The following TMEM14C variants were observed in gnomAD, a reference collection of about 807,000 sequenced individuals.
TMEM14C encodes transmembrane protein 14C.
In TMEM14C, 13 loss-of-function variants were observed where a neutral mutation model predicts 14.8. The observed-to-expected ratio is 0.88, with a 90% CI of 0.57 to 1.40. TMEM14C has a LOEUF of 1.40. Ranked by LOEUF, TMEM14C falls within the 40% of genes most tolerant of loss-of-function variation. The pLI, the probability that TMEM14C is intolerant of heterozygous loss-of-function variation, is 0.00. For missense variants in TMEM14C, 142 were observed against 138.8 expected (o/e 1.02, Z -0.12); for synonymous variants, 57 against 51.3 (o/e 1.11, Z -0.48).
intron 1 of TMEM14C, among the ~76,000 whole-genome samples, chr6:10,723,507 C>G (rs1770753132): frequency 6.6e-6 from 1 of 152,012 alleles, no homozygotes; most frequent in Admixed American, 6.6e-5. Flanking sequence ...TCTTTAAAAG[C>G]CTCCCTTACT....
At chr6:10,724,774 C>A (rs1770806359) in intron 2 of TMEM14C, 141 bp downstream of exon 2, 4 of 1,331,330 alleles carry the variant, frequency 3.0e-6, no homozygotes, top group South Asian at 2.5e-5. Flanking sequence ...GGGCCAGAAA[C>A]TTGGGTTTGA....
In TMEM14C at chr6:10,728,660, G is replaced by A. The variant is rs1484007042; in HGVS notation, c.220G>A (p.Gly74Ser). Residue 74 changes from glycine (G) to serine (S), a missense_variant, in exon 5 of 6, where the codon GGC becomes AGC. Physicochemically the swap from Gly to Ser is moderately conservative, Grantham distance 56. Transcript: ENST00000229563. ...ATCAGCTACATCTGGTACCTTGGCT[G>A]GCATTATGGGAATGAGGTTCTACCA... ...VFLATSGTLA[G>S]IMGMRFYHSG... 6.2e-7 allele frequency: 1 copy of A among 1,614,154 alleles called. No individual in the cohort carries two copies. Among genetic ancestry groups the A allele is most frequent in the Admixed American group, 1.7e-5 (1 of 60,022 alleles).
At chr6:10,724,092 G>C (rs1770778166) in intron 1 of TMEM14C, among the ~76,000 whole-genome samples, 1 of 152,176 alleles carries the variant, frequency 6.6e-6, no homozygotes. Context: ...CTGTGAGTTG[G>C]ACGCAGAAGT....
chr6:10,726,004 C>T lies in TMEM14C; in HGVS notation c.195C>T (p.Phe65=). Residue 65 remains phenylalanine (F), a synonymous_variant, in exon 4 of 6, where the codon TTC becomes TTT. Coordinates refer to ENST00000229563, the MANE Select transcript of TMEM14C (RefSeq NM_016462.4). ...LSQDPRNVWV[F]LATSGTLAGI... is the part of the protein sequence containing the mutation. ...AGGATCCAAGGAACGTTTGGGTTTT[C>T]CTAGGTATGTCTGCTTTGGCGTCTC... The T allele has an allele frequency of 1.9e-6, 3 of 1,613,990 alleles. No homozygotes were observed. The highest frequency in any genetic ancestry group is 1.7e-6 in the Non-Finnish European group (2 of 1,180,004).
At chr6:10,726,813 G>T in intron 4 of TMEM14C, among the ~76,000 whole-genome samples, 1 of 152,358 alleles carries the variant, frequency 6.6e-6, no homozygotes, top group East Asian at 1.9e-4. Flanking sequence ...GTACATTTCT[G>T]TGGGGCTCCA....
rs139257849 is a variant in TMEM14C, at chr6:10,725,043, G to A, written c.97+6G>A. 3.4e-3 allele frequency: 5,510 copies of A among 1,614,162 alleles called. 52 individuals are homozygous for A. The highest frequency in any genetic ancestry group is 0.03 in the East Asian group (1,348 of 44,888). On this transcript the variant is annotated splice_donor_region_variant and intron_variant, in intron 3 of 5. Transcript: ENST00000229563. ...CATTGGCTATGTAAAAGCAGGTAGG[G>A]TTTTGTTGTTACTTAGCCTCTTAAC...
intron 5 of TMEM14C, among the ~76,000 whole-genome samples, chr6:10,730,103 AAAAAAT>A (rs1204993702): frequency 9.9e-5 from 15 of 152,186 alleles, no homozygotes; most frequent in African/African-American, 3.4e-4. Flanking sequence ...ACTCCATCTG[AAAAAAT>A]AAAAATAAAA....
rs146638335 is a variant in TMEM14C at position 10,725,916 on chromosome 6, C to A, written c.107C>A (p.Pro36Gln). 17 of 1,613,694 alleles carry A rather than the reference C, an allele frequency of 1.1e-5. No homozygotes were observed. Among genetic ancestry groups the A allele is most frequent in the Admixed American group, 1.7e-5 (1 of 59,998 alleles). Residue 36 changes from proline to glutamine, a missense_variant, in exon 4 of 6, where the codon CCG (proline) becomes CAG (glutamine). Physicochemically the swap from Pro to Gln is moderately conservative, Grantham distance 76. Transcript: ENST00000229563. Reference sequence around the variant, plus strand: ...GTTTGCTTCCCTCTAGGCAGCGTGCCGTCCCTGGCTGCAGGGCTGCTCTTT... The same window carrying A: ...GTTTGCTTCCCTCTAGGCAGCGTGCAGTCCCTGGCTGCAGGGCTGCTCTTT... Reference protein sequence around the residue: ...IIGYVKAGSVPSLAAGLLFGS... With the variant: ...IIGYVKAGSVQSLAAGLLFGS...
chr6:10,723,591 A>AT lies in TMEM14C; in HGVS notation c.-45+352dup, dbSNP rs1192658275. 3.1e-5 allele frequency among the ~76,000 whole-genome samples: 3 copies of AT among 97,952 alleles called. 1 individual carries two copies. Among genetic ancestry groups the AT allele is most frequent in the Admixed American group, 1.3e-4 (1 of 7,938 alleles). The allele number at this position is 97,952 out of a possible 152,430, so 64.3% of individuals were successfully genotyped here. A position where few individuals can be genotyped will look rare whatever the true frequency, so the allele number is the denominator to read the frequency against. ...CCCTTCCCTGTTTTATGGAAACTTA[A>AT]TTCTTTTTTTTTTTTTTTTTGTCCT... On this transcript the variant is annotated intron_variant, in intron 1 of 5. Coordinates refer to ENST00000229563, the MANE Select transcript of TMEM14C (RefSeq NM_016462.4).
In TMEM14C at chr6:10,730,906, T is replaced by A; in HGVS notation, c.*240T>A. Reference sequence around the variant, plus strand: ...ATAGAGCTTGATTCTTGTATATTGATGTTGTCTTTTCTTTCTGTATCTGTA... The same window carrying A: ...ATAGAGCTTGATTCTTGTATATTGAAGTTGTCTTTTCTTTCTGTATCTGTA... On this transcript the variant is annotated 3_prime_UTR_variant, in exon 6 of 6. Transcript: ENST00000229563. 8.7e-7 allele frequency: 1 copy of A among 1,147,762 alleles called. No homozygotes were observed. 71.1% of individuals were successfully genotyped at this position (1,147,762 alleles called of 1,614,324 possible).
rs1771002656 is a variant in TMEM14C at position 10,730,817 on chromosome 6, T to A, written c.*151T>A. 9.6e-6 allele frequency: 13 copies of A among 1,352,848 alleles called. No individual in the cohort carries two copies. The highest frequency in any genetic ancestry group is 1.2e-5 in the Non-Finnish European group (13 of 1,047,254). The allele number at this position is 1,352,848 out of a possible 1,614,324, so 83.8% of individuals were successfully genotyped here. A position where few individuals can be genotyped will look rare whatever the true frequency, so the allele number is the denominator to read the frequency against. On this transcript the variant is annotated 3_prime_UTR_variant, in exon 6 of 6. Coordinates refer to ENST00000229563, the MANE Select transcript of TMEM14C (RefSeq NM_016462.4). ...CCAAACTTGGCAGAGAGGTGGAAAA[T>A]CAGTCATGATTACAAACCTACAGAG...
At chr6:10,724,309 C>T (rs1160985333) in intron 1 of TMEM14C, 12 of 333,152 alleles carry the variant, frequency 3.6e-5, no homozygotes, top group East Asian at 1.0e-4. Context: ...CTGAGTTTCC[C>T]GTGGGCCTAT....
rs34904534 is a variant in TMEM14C, at chr6:10,723,594, C to CTTTTT, written c.-45+366_-45+370dup. ...TTCCCTGTTTTATGGAAACTTAATT[C>CTTTTT]TTTTTTTTTTTTTTTTTGTCCTTGA... On this transcript the variant is annotated intron_variant, in intron 1 of 5. Transcript: ENST00000229563. 7.8e-3 allele frequency among the ~76,000 whole-genome samples: 926 copies of CTTTTT among 118,662 alleles called. 41 individuals are homozygous for CTTTTT. The highest frequency in any genetic ancestry group is 0.03 in the African/African-American group (864 of 29,238). 77.8% of individuals were successfully genotyped at this position (118,662 alleles called of 152,430 possible). A position where few individuals can be genotyped will look rare whatever the true frequency, so the allele number is the denominator to read the frequency against.
chr6:10,730,807 A>T lies in TMEM14C; in HGVS notation c.*141A>T. On this transcript the variant is annotated 3_prime_UTR_variant, in exon 6 of 6. Transcript: ENST00000229563. ...AAAAAAGACACCAAACTTGGCAGAG[A>T]GGTGGAAAATCAGTCATGATTACAA... is the stretch of plus-strand genomic sequence containing the variant. The T allele has an allele frequency of 2.9e-6, 4 of 1,360,656 alleles. No individual in the cohort carries two copies. The highest frequency in any genetic ancestry group is 3.8e-6 in the Non-Finnish European group (4 of 1,050,792). The allele number at this position is 1,360,656 out of a possible 1,614,324, so 84.3% of individuals were successfully genotyped here. A position where few individuals can be genotyped will look rare whatever the true frequency, so the allele number is the denominator to read the frequency against.
At chr6:10,724,095 G>C (rs201220832) in intron 1 of TMEM14C, among the ~76,000 whole-genome samples, 1 of 152,140 alleles carries the variant, frequency 6.6e-6, no homozygotes, top group East Asian at 1.9e-4. Flanking sequence ...TGAGTTGGAC[G>C]CAGAAGTTTC....
chr6:10,725,041 G>A lies in TMEM14C; in HGVS notation c.97+4G>A, dbSNP rs1229151712. 2 of 1,614,158 alleles carry A rather than the reference G, an allele frequency of 1.2e-6. No homozygotes were observed. Among genetic ancestry groups the A allele is most frequent in the Non-Finnish European group, 1.7e-6 (2 of 1,180,026 alleles). ...ATCATTGGCTATGTAAAAGCAGGTA[G>A]GGTTTTGTTGTTACTTAGCCTCTTA... On this transcript the variant is annotated splice_donor_region_variant and intron_variant, in intron 3 of 5. Transcript: ENST00000229563.
chr6:10,724,721 C>T, intron 2 of TMEM14C, 88 bp downstream of exon 2: 1 of 1,512,232 alleles, frequency 6.6e-7, no homozygotes, highest in Non-Finnish European at 9.1e-7. Flanking sequence ...TAAGAGTAGA[C>T]TGCCTGGGAT....
At chr6:10,728,928 G>A in intron 5 of TMEM14C, 6 of 1,294,840 alleles carry the variant, frequency 4.6e-6, no homozygotes, top group Non-Finnish European at 5.3e-6. Flanking sequence ...CATTCACCGT[G>A]GAAATGGGTT....
intron 5 of TMEM14C, among the ~76,000 whole-genome samples, chr6:10,729,324 G>A (rs555220456): frequency 8.5e-5 from 13 of 152,098 alleles, no homozygotes; most frequent in Admixed American, 3.3e-4. Context: ...TGGTAGAGAT[G>A]GTGTTTCACC....
Sources: allele counts gnomAD v4.1 joint callset (sites outside exome capture counted in the v4.1 genomes callset), GRCh38; gene constraint gnomAD v4.1.1; transcripts MANE v1.5; gene names NCBI Gene and HGNC (gene_info 2026-07-23, HGNC 2026-07-21).